CSGALNACT1: variants seen among roughly 807,000 people sequenced by gnomAD.
The protein encoded by CSGALNACT1 is chondroitin sulfate N-acetylgalactosaminyltransferase 1, also known as beta4GalNAcT-1.
In CSGALNACT1, 52 loss-of-function variants were observed where a neutral mutation model predicts 51.0. That is an observed-to-expected ratio of 1.02 (90% CI 0.82 to 1.29). The LOEUF is 1.29. Ranked by LOEUF, CSGALNACT1 falls within the 50% of genes most tolerant of loss-of-function variation. The pLI, the probability that CSGALNACT1 is intolerant of heterozygous loss-of-function variation, is 0.00. For synonymous variants in CSGALNACT1, 341 were observed against 254.4 expected (o/e 1.34, Z -3.24); for missense variants, 935 against 679.2 (o/e 1.38, Z -4.19).
intron 3 of CSGALNACT1, among the ~76,000 whole-genome samples, chr8:19,561,926 C>A (rs187617896): frequency 7.2e-5 from 11 of 151,906 alleles, no homozygotes; most frequent in East Asian, 1.9e-4. Flanking sequence ...TTTCAGCATG[C>A]GGCCTGATCA....
At chr8:19,600,009 G>C (rs1304256505) in intron 2 of CSGALNACT1, among the ~76,000 whole-genome samples, 1 of 152,202 alleles carries the variant, frequency 6.6e-6, no homozygotes, top group Non-Finnish European at 1.5e-5. Flanking sequence ...ATAGCCTTGT[G>C]TGTTAAACAT....
chr8:19,657,215 G>C (rs992667901), intron 1 of CSGALNACT1, among the ~76,000 whole-genome samples: 1 of 131,282 alleles, frequency 7.6e-6, no homozygotes, highest in African/African-American at 2.8e-5. Flanking sequence ...ATAAACCAGA[G>C]AAAGACACAG....
chr8:19,645,122 A>G lies in CSGALNACT1; in HGVS notation c.-544+37351T>C, dbSNP rs115516955. On this transcript the variant is annotated intron_variant, in intron 1 of 9. Transcript: ENST00000332246. Reference sequence around the variant, plus strand: ...GATTAGACTGTCAGAGCAAAACATTATAATTAATTTAGGCCTGCTCTCACC... The same window carrying G: ...GATTAGACTGTCAGAGCAAAACATTGTAATTAATTTAGGCCTGCTCTCACC... Among the ~76,000 whole-genome samples the G allele has an allele frequency of 5.7e-3, 869 of 152,358 alleles. 9 individuals carry two copies. The highest frequency in any genetic ancestry group is 0.02 in the African/African-American group (818 of 41,590).
chr8:19,615,240 T>G (rs2052836709), intron 1 of CSGALNACT1, among the ~76,000 whole-genome samples: 1 of 152,016 alleles, frequency 6.6e-6, no homozygotes, highest in African/African-American at 2.4e-5. Flanking sequence ...GAGGCAGAGG[T>G]TGCAGTGAGC....
intron 1 of CSGALNACT1, among the ~76,000 whole-genome samples, chr8:19,673,524 G>A (rs553126367): frequency 6.6e-6 from 1 of 152,190 alleles, no homozygotes; most frequent in South Asian, 2.1e-4. Context: ...ACTCTTGTCT[G>A]TCTTCAAGAT....
At chr8:19,607,664 G>A (rs1393093624) in intron 1 of CSGALNACT1, among the ~76,000 whole-genome samples, 2 of 152,174 alleles carry the variant, frequency 1.3e-5, no homozygotes, top group Non-Finnish European at 2.9e-5. Context: ...AGTGTTTCAG[G>A]GATATCAGCT....
chr8:19,702,841 G>T (rs555949188), intron 1 of CSGALNACT1, among the ~76,000 whole-genome samples: 22 of 152,180 alleles, frequency 1.4e-4, no homozygotes, highest in African/African-American at 5.3e-4. Context: ...AAAAGCTCTG[G>T]GTTTCAGGGT....
At chr8:19,547,917 T>G (rs2086873369) in intron 3 of CSGALNACT1, among the ~76,000 whole-genome samples, 1 of 151,978 alleles carries the variant, frequency 6.6e-6, no homozygotes, top group Non-Finnish European at 1.5e-5. Flanking sequence ...TGCCAGGGGG[T>G]TGGTAGTTAT....
intron 1 of CSGALNACT1, among the ~76,000 whole-genome samples, chr8:19,656,349 A>G (rs2058270211): frequency 6.6e-6 from 1 of 152,168 alleles, no homozygotes; most frequent in African/African-American, 2.4e-5. Flanking sequence ...AGTCCAATTC[A>G]CCATTTTTAT....
intron 1 of CSGALNACT1, among the ~76,000 whole-genome samples, chr8:19,681,963 G>A (rs773286882): frequency 6.6e-6 from 1 of 152,214 alleles, no homozygotes; most frequent in Non-Finnish European, 1.5e-5. Flanking sequence ...CAAGGGTGAA[G>A]CACTTCACCA....
intron 4 of CSGALNACT1, among the ~76,000 whole-genome samples, chr8:19,463,553 G>A (rs1309591454): frequency 6.6e-6 from 1 of 152,206 alleles, no homozygotes; most frequent in South Asian, 2.1e-4. Context: ...AGGCAGGAAT[G>A]GTTTTTCAGC....
At chr8:19,607,028 G>A (rs4574860), upstream of CSGALNACT1, among the ~76,000 whole-genome samples, 21,953 of 151,814 alleles carry the variant, frequency 0.14, 1,907 homozygotes, top group African/African-American at 0.24. Context: ...GGTGGCAGGC[G>A]CCTGTAGTCC....
At chr8:19,478,524 G>C (rs989925783) in intron 4 of CSGALNACT1, among the ~76,000 whole-genome samples, 3 of 150,626 alleles carry the variant, frequency 2.0e-5, no homozygotes, top group Admixed American at 6.6e-5. Flanking sequence ...ACTAACTAAC[G>C]TACAGCCCAG....
chr8:19,433,121 T>C (rs1005316395), intron 6 of CSGALNACT1, among the ~76,000 whole-genome samples: 6 of 152,240 alleles, frequency 3.9e-5, no homozygotes, highest in Admixed American at 3.3e-4. Context: ...ACTAATTCTA[T>C]AAAGTCTCAA....
chr8:19,490,370 G>T (rs6996998), intron 4 of CSGALNACT1, among the ~76,000 whole-genome samples: 19,673 of 152,070 alleles, frequency 0.13, 1,318 homozygotes, highest in Middle Eastern at 0.21. Context: ...TTGACAGTAG[G>T]GTCTTTCATC....
rs143050047 is a variant in CSGALNACT1 at position 19,644,406 on chromosome 8, A to G, written c.-544+38067T>C. ...CTGAAAAACAGTTCTTAACCTCTCA[A>G]AAAAAAAAAAAGGTAATGAGGGGCG... On this transcript the variant is annotated intron_variant, in intron 1 of 9. Coordinates refer to the CSGALNACT1 transcript ENST00000332246. 4.4e-3 allele frequency among the ~76,000 whole-genome samples: 650 copies of G among 146,440 alleles called. 4 individuals are homozygous for G. Among genetic ancestry groups the G allele is most frequent in the African/African-American group, 0.015 (613 of 39,792 alleles).
chr8:19,588,431 T>C lies in CSGALNACT1; in HGVS notation c.-297+2729A>G, dbSNP rs142305106. Among the ~76,000 whole-genome samples, 547 of 152,310 alleles carry C rather than the reference T, an allele frequency of 3.6e-3. 19 individuals carry two copies. In the South Asian group the frequency reaches 0.078, roughly 22 times the overall value. On this transcript the variant is annotated intron_variant, in intron 3 of 9. Transcript: ENST00000454498. ...GATTCCAAGTAACTTGTGAAGTAAG[T>C]TCATCCAAGCAAACTCAGAAAGAAT...
At chr8:19,559,928 G>A (rs1284525620) in intron 3 of CSGALNACT1, among the ~76,000 whole-genome samples, 3 of 152,128 alleles carry the variant, frequency 2.0e-5, no homozygotes, top group Non-Finnish European at 4.4e-5. Flanking sequence ...AAATGCAAAG[G>A]GCCAACTATA....
intron 1 of CSGALNACT1, among the ~76,000 whole-genome samples, chr8:19,654,857 A>AT (rs1373037103): frequency 1.3e-5 from 2 of 152,068 alleles, no homozygotes; most frequent in Non-Finnish European, 2.9e-5. Context: ...AAGTCAGGTA[A>AT]TTTTTTAAAG....
Sources: gnomAD v4.1 joint callset for allele counts (sites outside exome capture counted in the v4.1 genomes callset) on GRCh38, gnomAD v4.1.1 for gene constraint, MANE v1.5 for transcripts, NCBI Gene and HGNC (gene_info 2026-07-23, HGNC 2026-07-21) for gene names.